The following TRPM3 variants were observed in gnomAD, a reference collection of about 807,000 sequenced individuals.
TRPM3 encodes long transient receptor potential channel 3.
In TRPM3, 77 loss-of-function variants were observed where a neutral mutation model predicts 181.2. That is an observed-to-expected ratio of 0.42 (90% CI 0.35 to 0.51). The LOEUF (loss-of-function observed/expected upper bound fraction) is 0.51, where lower values mean the gene tolerates loss of function less well. Ranked by LOEUF, TRPM3 falls within the 20% of genes least tolerant of loss-of-function variation. TRPM3 has a pLI of 0.01. For missense variants in TRPM3, 1,759 were observed against 2,196.7 expected, an observed-to-expected ratio of 0.80 and a Z score of 3.98; for synonymous variants, 745 against 796.4, an observed-to-expected ratio of 0.94 and a Z score of 1.09.
rs114246148 is a variant in TRPM3, at chr9:71,434,793, C to T, written c.183+11860G>A. ...AGACTGTGTTAAATTTTTCACCTTT[C>T]TTTCTTGCCTATTAACAGTGATGTA... On this transcript the variant is annotated intron_variant, in intron 1 of 24. Transcript: ENST00000357533. Among the ~76,000 whole-genome samples, 1,032 of 152,240 alleles carry T rather than the reference C, an allele frequency of 6.8e-3. 14 individuals are homozygous for T. The highest frequency in any genetic ancestry group is 0.023 in the African/African-American group (954 of 41,542).
chr9:70,832,636 AT>A (rs2094016651), intron 5 of TRPM3, among the ~76,000 whole-genome samples: 1 of 152,200 alleles, frequency 6.6e-6, no homozygotes. Context: ...GAAGGGACTG[AT>A]TCAGAGACAC....
chr9:71,277,534 AT>A (rs1292814602), intron 1 of TRPM3, among the ~76,000 whole-genome samples: 2 of 152,030 alleles, frequency 1.3e-5, no homozygotes, highest in African/African-American at 2.4e-5. Flanking sequence ...AAGGAGTCTA[AT>A]TTTTTTTAAC....
chr9:70,940,077 G>T (rs576914240), intron 1 of TRPM3, among the ~76,000 whole-genome samples: 1 of 152,258 alleles, frequency 6.6e-6, no homozygotes, highest in East Asian at 1.9e-4. Context: ...AGGTGCTGGA[G>T]CCCTTCCTTA....
At chr9:71,326,239 T>A (rs2089671473) in intron 1 of TRPM3, among the ~76,000 whole-genome samples, 2 of 152,158 alleles carry the variant, frequency 1.3e-5, no homozygotes, top group African/African-American at 4.8e-5. Context: ...AGAAAGATGA[T>A]ATTTATTAAT....
intron 1 of TRPM3, among the ~76,000 whole-genome samples, chr9:71,070,234 T>C (rs1295585441): frequency 1.3e-5 from 2 of 152,214 alleles, no homozygotes; most frequent in East Asian, 1.9e-4. Context: ...GAGAAGTCTA[T>C]AACCTACTGG....
intron 1 of TRPM3, among the ~76,000 whole-genome samples, chr9:71,247,766 T>C (rs1176815490): frequency 7.2e-5 from 11 of 152,192 alleles, no homozygotes; most frequent in Non-Finnish European, 1.2e-4. Context: ...TCCTTTCTGC[T>C]GCTTAGTCAT....
At chr9:70,904,643 A>G (rs1186883479) in intron 1 of TRPM3, among the ~76,000 whole-genome samples, 1 of 152,244 alleles carries the variant, frequency 6.6e-6, no homozygotes, top group African/African-American at 2.4e-5. Flanking sequence ...CCACAAAATG[A>G]CACAGTCCTC....
intron 4 of TRPM3, 80 bp from the exon 5 acceptor site, chr9:70,843,207 G>A: frequency 7.0e-7 from 1 of 1,430,600 alleles, no homozygotes; most frequent in Non-Finnish European, 9.5e-7. Context: ...TGTGGTAATG[G>A]TTTCTCCCGA....
chr9:71,421,320 C>T (rs758649577), intron 1 of TRPM3, among the ~76,000 whole-genome samples: 2 of 151,556 alleles, frequency 1.3e-5, no homozygotes, highest in Admixed American at 1.3e-4. Context: ...GGCAGTATAC[C>T]CACGTAACAA....
At chr9:70,761,497 C>T (rs753937408) in intron 8 of TRPM3, 104 bp downstream of exon 8, 32 of 1,545,568 alleles carry the variant, frequency 2.1e-5, no homozygotes, top group Non-Finnish European at 2.8e-5. Flanking sequence ...GCTGTAAGCT[C>T]GGCCAGAAAG....
At chr9:71,261,938 T>C (rs1167155518) in intron 1 of TRPM3, among the ~76,000 whole-genome samples, 1 of 152,178 alleles carries the variant, frequency 6.6e-6, no homozygotes, top group African/African-American at 2.4e-5. Flanking sequence ...AAGTGTCTGT[T>C]GACCCATGTT....
At chr9:71,101,868 T>C (rs1458148885) in intron 1 of TRPM3, among the ~76,000 whole-genome samples, 2 of 152,168 alleles carry the variant, frequency 1.3e-5, no homozygotes, top group Admixed American at 1.3e-4. Flanking sequence ...CATCCATCTC[T>C]TGTATTATTG....
intron 1 of TRPM3, among the ~76,000 whole-genome samples, chr9:70,968,633 C>T (rs1472446239): frequency 2.0e-5 from 3 of 152,086 alleles, no homozygotes; most frequent in Admixed American, 6.6e-5. Flanking sequence ...GTTGTACTGG[C>T]TTCAGAGAAA....
chr9:70,943,721 C>T (rs2096906680), intron 1 of TRPM3, among the ~76,000 whole-genome samples: 1 of 152,138 alleles, frequency 6.6e-6, no homozygotes, highest in Non-Finnish European at 1.5e-5. Flanking sequence ...CTCTCTGATG[C>T]TGAATAACCT....
chr9:71,171,899 T>TTTG (rs35492372), intron 1 of TRPM3, among the ~76,000 whole-genome samples: 61,531 of 151,262 alleles, frequency 0.41, 12,747 homozygotes, highest in East Asian at 0.52. Flanking sequence ...TGTTAGGGTT[T>TTTG]TTGTTGTTTT....
chr9:70,663,245 T>C (rs909461564), intron 9 of TRPM3, among the ~76,000 whole-genome samples: 2 of 151,998 alleles, frequency 1.3e-5, no homozygotes, highest in African/African-American at 4.8e-5. Context: ...GAGAGGAAGG[T>C]TGGGAGTGGG....
At chr9:70,701,345 A>G (rs61110890) in intron 8 of TRPM3, among the ~76,000 whole-genome samples, 2,246 of 152,158 alleles carry the variant, frequency 0.015, 64 homozygotes, top group African/African-American at 0.051. Flanking sequence ...CGTGTCTGCT[A>G]TTTATAGTTT....
At chr9:70,546,353 AG>A (rs2044886702) in intron 25 of TRPM3, among the ~76,000 whole-genome samples, 2 of 152,192 alleles carry the variant, frequency 1.3e-5, no homozygotes, top group African/African-American at 4.8e-5. Context: ...AGGGGTAGGA[AG>A]GGGGCTACCC....
intron 1 of TRPM3, among the ~76,000 whole-genome samples, chr9:71,153,180 C>T (rs1441670973): frequency 2.0e-5 from 3 of 152,158 alleles, no homozygotes; most frequent in Non-Finnish European, 2.9e-5. Flanking sequence ...AGTAACAGTA[C>T]TTGTCACATG....
Sources: gnomAD v4.1 joint callset for allele counts (sites outside exome capture counted in the v4.1 genomes callset) on GRCh38, gnomAD v4.1.1 for gene constraint, MANE v1.5 for transcripts, NCBI Gene and HGNC (gene_info 2026-07-23, HGNC 2026-07-21) for gene names.